The following QTMAN variants were observed in gnomAD, a reference collection of about 807,000 sequenced individuals.
The protein encoded by QTMAN is tRNA-queuosine alpha-mannosyltransferase.
the QTMAN span, among the ~76,000 whole-genome samples, chr2:144,004,677 C>A: frequency 6.6e-6 from 1 of 151,942 alleles, no homozygotes; most frequent in African/African-American, 2.4e-5. Flanking sequence ...AAATGTCTGC[C>A]TAGACCCAGT....
the QTMAN span, among the ~76,000 whole-genome samples, chr2:144,044,777 T>A: frequency 6.6e-6 from 1 of 152,162 alleles, no homozygotes; most frequent in Non-Finnish European, 1.5e-5. Context: ...AAATAAATGA[T>A]ACAGATGTAC....
the QTMAN span, among the ~76,000 whole-genome samples, chr2:144,242,269 G>C: frequency 6.6e-6 from 1 of 151,354 alleles, no homozygotes; most frequent in African/African-American, 2.4e-5. Context: ...CAAGTCATAG[G>C]AACTTATCCT....
chr2:144,158,125 T>C, the QTMAN span, among the ~76,000 whole-genome samples: 1 of 152,140 alleles, frequency 6.6e-6, no homozygotes, highest in Admixed American at 6.6e-5. Context: ...TGGGACATTC[T>C]AGTAACTTTT....
the QTMAN span, among the ~76,000 whole-genome samples, chr2:144,187,183 C>T: frequency 2.6e-5 from 4 of 152,086 alleles, no homozygotes; most frequent in Non-Finnish European, 5.9e-5. Flanking sequence ...TAACAGAATA[C>T]CTGAGACTGA....
At chr2:144,168,494 C>T in the QTMAN span, among the ~76,000 whole-genome samples, 132 of 151,890 alleles carry the variant, frequency 8.7e-4, no homozygotes, top group African/African-American at 2.9e-3. Flanking sequence ...CAAAATAATC[C>T]GGTAGAGGGG....
At chr2:144,141,967 C>T in the QTMAN span, 130 of 1,610,348 alleles carry the variant, frequency 8.1e-5, no homozygotes, top group Non-Finnish European at 9.9e-5. Context: ...GGTCTGTGAT[C>T]AGGAATCAGC....
chr2:144,290,318 C>G, the QTMAN span, among the ~76,000 whole-genome samples: 2 of 152,100 alleles, frequency 1.3e-5, no homozygotes, highest in South Asian at 2.1e-4. Flanking sequence ...CATAATATCC[C>G]AATGTTCTAC....
the QTMAN span, among the ~76,000 whole-genome samples, chr2:144,240,873 T>C: frequency 6.6e-6 from 1 of 152,202 alleles, no homozygotes; most frequent in Non-Finnish European, 1.5e-5. Context: ...GCTGCTTCAC[T>C]TAATACCCAG....
At chr2:143,998,445 G>A in the QTMAN span, among the ~76,000 whole-genome samples, 44 of 151,662 alleles carry the variant, frequency 2.9e-4, no homozygotes, top group South Asian at 4.8e-3. Flanking sequence ...GGGGGGGAAA[G>A]CTTACATAAT....
the QTMAN span, among the ~76,000 whole-genome samples, chr2:143,948,024 A>G: frequency 3.9e-4 from 59 of 152,308 alleles, no homozygotes; most frequent in East Asian, 0.01. Context: ...GAACATCACA[A>G]ACATTTCATG....
At chr2:144,130,054 T>G in the QTMAN span, among the ~76,000 whole-genome samples, 15 of 151,112 alleles carry the variant, frequency 9.9e-5, 1 homozygote, top group East Asian at 2.1e-3. Flanking sequence ...TCAAAGTTAA[T>G]TTTTTGAATC....
the QTMAN span, among the ~76,000 whole-genome samples, chr2:144,275,069 T>A: frequency 1.0e-3 from 156 of 152,236 alleles, no homozygotes; most frequent in Non-Finnish European, 1.4e-3. Flanking sequence ...AAGTTTGTTT[T>A]TTCCTTTACA....
chr2:143,972,953 G>T, the QTMAN span, among the ~76,000 whole-genome samples: 1 of 152,182 alleles, frequency 6.6e-6, no homozygotes. Flanking sequence ...TCATTCACTT[G>T]CTGGGACTGG....
chr2:143,991,463 C>A, the QTMAN span, among the ~76,000 whole-genome samples: 27 of 147,342 alleles, frequency 1.8e-4, no homozygotes, highest in Non-Finnish European at 2.9e-4. Flanking sequence ...CGGCCAGCCG[C>A]CCCGTCCGGG....
At chr2:144,322,020 G>C in the QTMAN span, among the ~76,000 whole-genome samples, 1 of 152,126 alleles carries the variant, frequency 6.6e-6, no homozygotes, top group Non-Finnish European at 1.5e-5. Context: ...CAACCACATA[G>C]GTAGCATCCA....
At chr2:144,125,985 C>T in the QTMAN span, among the ~76,000 whole-genome samples, 2 of 151,872 alleles carry the variant, frequency 1.3e-5, no homozygotes, top group Non-Finnish European at 2.9e-5. Flanking sequence ...TGGAGGAATG[C>T]CAACACGTAT....
chr2:144,129,636 A>T, the QTMAN span, among the ~76,000 whole-genome samples: 6 of 152,086 alleles, frequency 3.9e-5, no homozygotes, highest in Admixed American at 3.9e-4. Flanking sequence ...TACAACACTA[A>T]ACAATCAGAA....
chr2:144,280,895 G>T, the QTMAN span, among the ~76,000 whole-genome samples: 2 of 151,652 alleles, frequency 1.3e-5, no homozygotes, highest in Non-Finnish European at 2.9e-5. Flanking sequence ...ATGCCTATCA[G>T]AACTTTTTTT....
chr2:144,036,723 CTTAA>C, the QTMAN span, among the ~76,000 whole-genome samples: 1 of 152,076 alleles, frequency 6.6e-6, no homozygotes, highest in Non-Finnish European at 1.5e-5. Flanking sequence ...CAAAAAGAAC[CTTAA>C]TGGCAGGTTG....
Sources: gnomAD v4.1 joint callset for allele counts (sites outside exome capture counted in the v4.1 genomes callset) on GRCh38, gnomAD v4.1.1 for gene constraint, MANE v1.5 for transcripts, NCBI Gene and HGNC (gene_info 2026-07-23, HGNC 2026-07-21) for gene names.